The following PATZ1 variants were observed in gnomAD, a reference collection of about 807,000 sequenced individuals.
The protein encoded by PATZ1 is POZ/BTB and AT hook containing zinc finger 1.
In PATZ1, 9 loss-of-function variants were observed where a neutral mutation model predicts 46.2. That is an observed-to-expected ratio of 0.19 (90% CI 0.12 to 0.34). The LOEUF is 0.34. Among genes scored for constraint, PATZ1 ranks in the 10% least tolerant of loss-of-function variants. The pLI is 1.00. For missense variants in PATZ1, 632 were observed against 923.0 expected (o/e 0.68, Z 4.08); for synonymous variants, 426 against 378.6 (o/e 1.13, Z -1.45).
Position 31,327,339 on chromosome 22 carries a change from T to C in PATZ1, c.1646-30A>G, listed in dbSNP as rs772418908. On this transcript the variant is annotated intron_variant, in intron 4 of 4. Transcript: ENST00000266269. The surrounding 1 kb of genome is among the most constrained non-coding windows in gnomAD (Gnocchi z 4.2). ...GAAAAAACAAAATATAGGAGAGCGATGAGGCCAGGCTCTGGAGATGCCCCC... is the reference window on the plus strand; with the variant it reads ...GAAAAAACAAAATATAGGAGAGCGACGAGGCCAGGCTCTGGAGATGCCCCC... 8.2e-6 allele frequency: 13 copies of C among 1,588,888 alleles called. No individual in the cohort carries two copies. The highest frequency in any genetic ancestry group is 1.7e-6 in the Non-Finnish European group (2 of 1,163,598).
At chr22:31,341,163 G>A in intron 2 of PATZ1, 1 of 1,217,976 alleles carries the variant, frequency 8.2e-7, no homozygotes, top group Non-Finnish European at 1.0e-6. Flanking sequence ...TGCCATCTGT[G>A]AAAGGGGGGA....
intron 2 of PATZ1, chr22:31,341,768 C>T (rs149455862): frequency 2.6e-4 from 321 of 1,216,422 alleles, no homozygotes; most frequent in Non-Finnish European, 3.5e-4. Context: ...CTACTCTGCC[C>T]GGGCTAATCA....
intron 3 of PATZ1, among the ~76,000 whole-genome samples, chr22:31,332,396 A>G (rs2049454805): frequency 6.6e-6 from 1 of 152,200 alleles, no homozygotes; most frequent in South Asian, 2.1e-4. Context: ...CCAAGATCCA[A>G]AGAGGCAGCT....
At chr22:31,343,173 G>A (rs2049604778) in intron 1 of PATZ1, 6 of 1,300,406 alleles carry the variant, frequency 4.6e-6, no homozygotes, top group South Asian at 1.9e-5. Flanking sequence ...GGGGGGAAGA[G>A]AAATGGGCAT....
At position 31,345,914 on chromosome 22, in the gene PATZ1, G is replaced by T. The variant is rs1220414464; in HGVS notation, c.-312C>A. The T allele has an allele frequency of 3.1e-6, 1 of 322,178 alleles. No homozygotes were observed. Among genetic ancestry groups the T allele is most frequent in the African/African-American group, 2.1e-5 (1 of 47,344 alleles). 20.0% of individuals were successfully genotyped at this position (322,178 alleles called of 1,614,324 possible). ...GGGGGGTGCGCGAGCGAAGAGGTGC[G>T]CCCCTCCTGCAAACGCGCCTGCCAC... On this transcript the variant is annotated 5_prime_UTR_variant, in exon 1 of 5. Transcript: ENST00000266269. The surrounding 1 kb of genome is among the most constrained non-coding windows in gnomAD (Gnocchi z 7.4).
rs770048474 is a variant in PATZ1, at chr22:31,344,690, T to A, written c.913A>T (p.Asn305Tyr). 1 of 1,613,858 alleles carries A rather than the reference T, an allele frequency of 6.2e-7. No individual in the cohort carries two copies. Among genetic ancestry groups the A allele is most frequent in the African/African-American group, 1.3e-5 (1 of 75,064 alleles). The change falls in exon 1 of 5, where the codon AAC becomes TAC. Residue 305 changes from asparagine (N) to tyrosine (Y), a missense_variant. Around this residue, in one of 7 missense-constraint regions of PATZ1, gnomAD observed 279 missense variants for 284.3 expected, o/e 0.98. Transcript: ENST00000266269. ...TGGGCCTCGTGCTGCCGGAGCCGGT[T>A]GGCATCAGTGAACACCTTACCACAT... ...GLCGKVFTDA[N>Y]RLRQHEAQHG...
rs186744197 is a variant in PATZ1 at position 31,328,373 on chromosome 22, C to A, written c.1645+414G>T. Among the ~76,000 whole-genome samples the A allele has an allele frequency of 4.1e-4, 63 of 152,340 alleles. No individual in the cohort carries two copies. Among genetic ancestry groups the A allele is most frequent in the Admixed American group, 3.5e-3 (54 of 15,306 alleles). On this transcript the variant is annotated intron_variant, in intron 4 of 4. Coordinates refer to ENST00000266269, the MANE Select transcript of PATZ1 (RefSeq NM_014323.3). The surrounding 1 kb of genome is among the most constrained non-coding windows in gnomAD (Gnocchi z 4.8). ...AGAGAAGCCAGACATTGGCTCCCACCGGCCCACTGGGTCAAAAGAGGAGAA... is the reference window on the plus strand; with the variant it reads ...AGAGAAGCCAGACATTGGCTCCCACAGGCCCACTGGGTCAAAAGAGGAGAA...
intron 1 of PATZ1, 32 bp downstream of exon 1, chr22:31,344,299 GT>G: frequency 6.5e-7 from 1 of 1,548,694 alleles, no homozygotes; most frequent in African/African-American, 1.4e-5. Context: ...AAGATAACGT[GT>G]GGCAGGGGAG....
In PATZ1 at chr22:31,345,847, T is replaced by G; in HGVS notation, c.-245A>C. On this transcript the variant is annotated 5_prime_UTR_variant, in exon 1 of 5. Coordinates refer to ENST00000266269, the MANE Select transcript of PATZ1 (RefSeq NM_014323.3). The surrounding 1 kb of genome is among the most constrained non-coding windows in gnomAD (Gnocchi z 7.4). ...CCTCGCTGGACTGCGCGCCACTCTC[T>G]CCTCTCCGCCCGCCCGCCTCCCCTT... is the stretch of plus-strand genomic sequence containing the variant. 1 of 404,278 alleles carries G rather than the reference T, an allele frequency of 2.5e-6. No individual in the cohort carries two copies. The allele number at this position is 404,278 out of a possible 1,614,324, so 25.0% of individuals were successfully genotyped here.
intron 2 of PATZ1, among the ~76,000 whole-genome samples, chr22:31,342,131 CAG>C (rs926857739): frequency 1.3e-5 from 2 of 152,236 alleles, no homozygotes; most frequent in Admixed American, 6.5e-5. Flanking sequence ...AAGGAGAAGA[CAG>C]AGGTGTGTTC....
rs753366928 is a variant in PATZ1 at position 31,335,854 on chromosome 22, C to T, written c.1345G>A (p.Ala449Thr). 4 of 1,613,392 alleles carry T rather than the reference C, an allele frequency of 2.5e-6. No homozygotes were observed. Among genetic ancestry groups the T allele is most frequent in the South Asian group, 2.2e-5 (2 of 91,060 alleles). The change falls in exon 3 of 5, where the codon GCT (alanine) becomes ACT (threonine). Residue 449 changes from alanine (A) to threonine (T), a missense_variant. Ala to Thr is a moderately conservative substitution (Grantham distance 58, BLOSUM62 0). Around this residue, in one of 7 missense-constraint regions of PATZ1, gnomAD observed 55 missense variants for 169.0 expected, o/e 0.33. Transcript: ENST00000266269. ...AGACGGTCTCGGGTGGCAAAAGAAG[C>T]ATTGCAGGTCTGAAGGCAGAAAAGA... ...ERPHKCQTCN[A>T]SFATRDRLRS...
chr22:31,345,074 G>A lies in PATZ1; in HGVS notation c.529C>T (p.Pro177Ser), dbSNP rs1246095839. The change falls in exon 1 of 5, where the codon CCC (proline) becomes TCC (serine). Residue 177 changes from proline to serine, a missense_variant. Physicochemically the swap from Pro to Ser is moderately conservative, Grantham distance 74 (BLOSUM62 -1). Coordinates refer to ENST00000266269, the MANE Select transcript of PATZ1 (RefSeq NM_014323.3). This position sits in a 1 kb window ranked among gnomAD's most constrained non-coding sequence, Gnocchi z 7.4. Reference protein sequence around the residue: ...PARADIMLFRPPGTSDLGFPL... With the variant: ...PARADIMLFRSPGTSDLGFPL... ...AAGCCCAAGTCCGAGGTCCCAGGGG[G>A]GCGAAAGAGCATTATATCGGCGCGG... 1.9e-6 allele frequency: 3 copies of A among 1,614,188 alleles called. No individual in the cohort carries two copies. Among genetic ancestry groups the A allele is most frequent in the East Asian group, 2.2e-5 (1 of 44,892 alleles).
chr22:31,344,631 G>C lies in PATZ1; in HGVS notation c.972C>G (p.Ile324Met). ...HGVTSLQLGYIDLPPPRLGEN... is the reference protein window; with the variant it reads ...HGVTSLQLGYMDLPPPRLGEN... ...CACCCAGCCTCGGAGGAGGAAGGTC[G>C]ATGTAGCCCAGCTGGAGGCTGGTGA... The change falls in exon 1 of 5, where the codon ATC becomes ATG. Residue 324 changes from isoleucine to methionine, a missense_variant. Ile to Met is a conservative substitution (Grantham distance 10, BLOSUM62 1). Transcript: ENST00000266269. 1 of 1,614,078 alleles carries C rather than the reference G, an allele frequency of 6.2e-7. No individual in the cohort carries two copies. The highest frequency in any genetic ancestry group is 8.5e-7 in the Non-Finnish European group (1 of 1,180,038).
rs117955471 is a variant in PATZ1 at position 31,331,731 on chromosome 22, A to G, written c.1508-2807T>C. Among the ~76,000 whole-genome samples the G allele has an allele frequency of 1.1e-3, 175 of 152,274 alleles. 4 individuals carry two copies. The East Asian group carries it at 0.029, about 25-fold the overall frequency. On this transcript the variant is annotated intron_variant, in intron 3 of 4. Coordinates refer to ENST00000266269, the MANE Select transcript of PATZ1 (RefSeq NM_014323.3). ...AACCAGAGCAGGTCCACTGCAATCAAAAGGGGACAGAAAGGAGCGGGAGAG... is the reference window on the plus strand; with the variant it reads ...AACCAGAGCAGGTCCACTGCAATCAGAAGGGGACAGAAAGGAGCGGGAGAG...
chr22:31,335,927 A>G, intron 2 of PATZ1, 64 bp from the exon 3 acceptor site: 2 of 1,491,822 alleles, frequency 1.3e-6, no homozygotes, highest in Non-Finnish European at 1.8e-6. Flanking sequence ...CTCCCCACCA[A>G]GTGCACCATG....
In PATZ1 at chr22:31,327,924, G is replaced by A. The variant is rs1404059070; in HGVS notation, c.1646-615C>T. On this transcript the variant is annotated intron_variant, in intron 4 of 4. Transcript: ENST00000266269. This position sits in a 1 kb window ranked among gnomAD's most constrained non-coding sequence, Gnocchi z 4.2. ...AGCAGCCCAAGCACAGAGATTGAAA[G>A]CAACTCTGTACTACTCAGTCGGCTG... Among the ~76,000 whole-genome samples the A allele has an allele frequency of 6.6e-6, 1 of 152,216 alleles. No homozygotes were observed. Among genetic ancestry groups the A allele is most frequent in the Non-Finnish European group, 1.5e-5 (1 of 68,042 alleles).
chr22:31,325,857 C>G lies in PATZ1; in HGVS notation c.*1034G>C. 1 of 201,756 alleles carries G rather than the reference C, an allele frequency of 5.0e-6. No homozygotes were observed. The highest frequency in any genetic ancestry group is 1.0e-5 in the Non-Finnish European group (1 of 97,702). The allele number at this position is 201,756 out of a possible 1,614,324, so 12.5% of individuals were successfully genotyped here. ...AGTCTGATCAGATCAATTCACATCA[C>G]AAGGTCAACCTGGGCTTGCTCACAT... is the stretch of plus-strand genomic sequence containing the variant. On this transcript the variant is annotated 3_prime_UTR_variant, in exon 5 of 5. Coordinates refer to ENST00000266269, the MANE Select transcript of PATZ1 (RefSeq NM_014323.3).
chr22:31,339,708 G>C (rs1295270861), intron 2 of PATZ1, among the ~76,000 whole-genome samples: 2 of 152,226 alleles, frequency 1.3e-5, no homozygotes, highest in South Asian at 4.1e-4. Context: ...TAAGGGCCAT[G>C]CCTGCCAGGT....
intron 3 of PATZ1, 120 bp downstream of exon 3, chr22:31,335,572 G>T: frequency 1.1e-6 from 1 of 872,934 alleles, no homozygotes; most frequent in Non-Finnish European, 1.8e-6. Flanking sequence ...TCATTCAGTG[G>T]GAAGTAGGGG....
Sources: allele counts gnomAD v4.1 joint callset (sites outside exome capture counted in the v4.1 genomes callset), GRCh38; gene constraint gnomAD v4.1.1; regional missense constraint gnomAD v4.1.1; non-coding constraint Gnocchi (gnomAD v3.1); transcripts MANE v1.5; gene names NCBI Gene and HGNC (gene_info 2026-07-23, HGNC 2026-07-21).